Variants in BATF2 observed in about 807,000 individuals in gnomAD.
The protein encoded by BATF2 is basic leucine zipper ATF-like transcription factor 2.
BATF2 carries 4 observed loss-of-function variants against 7.3 expected under a neutral mutation model. The observed-to-expected ratio is 0.55, with a 90% CI of 0.27 to 1.26. BATF2 has a LOEUF of 1.26. Ranked by LOEUF, BATF2 falls within the 50% of genes most tolerant of loss-of-function variation. The pLI, the probability that BATF2 is intolerant of heterozygous loss-of-function variation, is 0.11. For synonymous variants in BATF2, 152 were observed against 153.9 expected, an observed-to-expected ratio of 0.99 and a Z score of 0.09; for missense variants, 295 against 340.5, an observed-to-expected ratio of 0.87 and a Z score of 1.05.
Position 64,996,911 on chromosome 11 carries a change from G to T in BATF2, c.4C>A (p.His2Asn), listed in dbSNP as rs992247724. The T allele has an allele frequency of 1.2e-6, 2 of 1,600,988 alleles. No individual in the cohort carries two copies. Among genetic ancestry groups the T allele is most frequent in the East Asian group, 2.3e-5 (1 of 43,760 alleles). The change falls in exon 1 of 3, where the codon CAC becomes AAC. Residue 2 changes from histidine to asparagine, a missense_variant. Physicochemically the swap from His to Asn is moderately conservative, Grantham distance 68 (BLOSUM62 1). Coordinates refer to ENST00000301887, the MANE Select transcript of BATF2 (RefSeq NM_138456.4). Reference sequence around the variant, plus strand: ...AGCAGCCCATTGCCCCCACAGAGGTGCATGGCTTAGGCGGGGGAGCAGAGT... The same window carrying T: ...AGCAGCCCATTGCCCCCACAGAGGTTCATGGCTTAGGCGGGGGAGCAGAGT... M[H>N]LCGGNGLLTQ...
At chr11:64,994,365 T>A in intron 2 of BATF2, 83 bp downstream of exon 2, 2 of 1,333,584 alleles carry the variant, frequency 1.5e-6, no homozygotes, top group Non-Finnish European at 2.1e-6. Context: ...GGGGGAGGTC[T>A]GCTCAAAGGT....
chr11:64,994,750 CCTGCT>C (rs1198366422), intron 1 of BATF2, among the ~76,000 whole-genome samples: 1 of 152,370 alleles, frequency 6.6e-6, no homozygotes, highest in African/African-American at 2.4e-5. Context: ...ACCCCTGTGT[CCTGCT>C]CACCGCTCAT....
chr11:64,992,754 G>A (rs761354878), intron 2 of BATF2, among the ~76,000 whole-genome samples: 38 of 151,738 alleles, frequency 2.5e-4, no homozygotes, highest in Non-Finnish European at 4.1e-4. Context: ...TCAGCTACTC[G>A]GGAGACTGAG....
In BATF2 at chr11:64,988,960, G is replaced by T. The variant is rs112310616; in HGVS notation, c.*169C>A. The T allele has an allele frequency of 3.7e-4, 243 of 654,930 alleles. No homozygotes were observed. The African/African-American group carries it at 4.1e-3, about 11-fold the overall frequency. 40.6% of individuals were successfully genotyped at this position (654,930 alleles called of 1,614,324 possible). On this transcript the variant is annotated 3_prime_UTR_variant, in exon 3 of 3. Transcript: ENST00000301887. ...TGAAATAAGATATTGGTGGTGACAG[G>T]GCCTGTCACAGTGGGAGGCATCAGT... is the stretch of plus-strand genomic sequence containing the variant.
chr11:64,990,727 C>T, intron 2 of BATF2: 1 of 674,432 alleles, frequency 1.5e-6, no homozygotes, highest in Non-Finnish European at 1.8e-6. Context: ...ACCCCCTTTT[C>T]TGGACACTTT....
chr11:64,993,990 G>A (rs1296240736), intron 2 of BATF2, among the ~76,000 whole-genome samples: 1 of 152,112 alleles, frequency 6.6e-6, no homozygotes, highest in Non-Finnish European at 1.5e-5. Flanking sequence ...TAGAGACAGA[G>A]TCTCACTATA....
chr11:64,995,773 C>G (rs79503289), intron 1 of BATF2, among the ~76,000 whole-genome samples: 3,972 of 152,132 alleles, frequency 0.026, 168 homozygotes, highest in African/African-American at 0.09. Flanking sequence ...ATTCTGAATG[C>G]TCCTAGGCTC....
At chr11:64,990,698 C>T (rs1036884838) in intron 2 of BATF2, 2 of 843,432 alleles carry the variant, frequency 2.4e-6, no homozygotes, top group African/African-American at 3.7e-5. Context: ...ATAAATTGAA[C>T]GACTTCCTTC....
rs776446453 is a variant in BATF2, at chr11:64,994,563, G to A, written c.40-14C>T. On this transcript the variant is annotated splice_polypyrimidine_tract_variant and intron_variant, in intron 1 of 2. Coordinates refer to ENST00000301887, the MANE Select transcript of BATF2 (RefSeq NM_138456.4). ...CTCCTTGGGGTCCTGTGGGGCATGA[G>A]GCAGAGGACTCAGGGGGCCCAGCCA... 4.4e-6 allele frequency: 7 copies of A among 1,586,174 alleles called. No homozygotes were observed. In the East Asian group the frequency reaches 1.6e-4, roughly 36 times the overall value.
intron 2 of BATF2, among the ~76,000 whole-genome samples, chr11:64,991,720 A>G (rs1946079038): frequency 6.6e-6 from 1 of 151,954 alleles, no homozygotes; most frequent in African/African-American, 2.4e-5. Flanking sequence ...CCAGGAGAAT[A>G]TGAGCCCTGT....
At position 64,989,087 on chromosome 11, in the gene BATF2, C is replaced by T; in HGVS notation, c.*42G>A. On this transcript the variant is annotated 3_prime_UTR_variant, in exon 3 of 3. Transcript: ENST00000301887. The surrounding 1 kb of genome is among the most constrained non-coding windows in gnomAD (Gnocchi z 4.3). Reference sequence around the variant, plus strand: ...AGAGGCCCGTGTGCTAAGGCTGCTTCCTGAGCCCAAAGAAGGGGCCAACCC... The same window carrying T: ...AGAGGCCCGTGTGCTAAGGCTGCTTTCTGAGCCCAAAGAAGGGGCCAACCC... 6.2e-7 allele frequency: 1 copy of T among 1,604,690 alleles called. No homozygotes were observed. Among genetic ancestry groups the T allele is most frequent in the South Asian group, 1.1e-5 (1 of 90,754 alleles).
At chr11:64,993,107 C>G (rs1319808526) in intron 2 of BATF2, among the ~76,000 whole-genome samples, 1 of 152,158 alleles carries the variant, frequency 6.6e-6, no homozygotes, top group African/African-American at 2.4e-5. Flanking sequence ...CGCCTGTAAT[C>G]CCAGCACTTT....
Position 64,989,982 on chromosome 11 carries a change from A to G in BATF2, c.142-170T>C. ...TCTGGCCAGCCCTTCATAACCACCT[A>G]CCAAGTCTCCCCTGTCCCACCCTCT... On this transcript the variant is annotated intron_variant, in intron 2 of 2. Transcript: ENST00000301887. This position sits in a 1 kb window ranked among gnomAD's most constrained non-coding sequence, Gnocchi z 4.3. The G allele has an allele frequency of 6.7e-7, 1 of 1,498,582 alleles. No individual in the cohort carries two copies. The highest frequency in any genetic ancestry group is 9.1e-7 in the Non-Finnish European group (1 of 1,102,964). 92.8% of individuals were successfully genotyped at this position (1,498,582 alleles called of 1,614,324 possible). A position where few individuals can be genotyped will look rare whatever the true frequency, so the allele number is the denominator to read the frequency against.
chr11:64,992,285 C>T lies in BATF2; in HGVS notation c.141+2163G>A, dbSNP rs114370800. ...TTTACCACGTTGGCCAGGCTGGTCT[C>T]GAACTCCTGGCCAACAAGTAATCCA... is the stretch of plus-strand genomic sequence containing the variant. On this transcript the variant is annotated intron_variant, in intron 2 of 2. Coordinates refer to ENST00000301887, the MANE Select transcript of BATF2 (RefSeq NM_138456.4). 7.5e-3 allele frequency among the ~76,000 whole-genome samples: 1,134 copies of T among 152,028 alleles called. 16 individuals carry two copies. Among genetic ancestry groups the T allele is most frequent in the African/African-American group, 0.026 (1,090 of 41,504 alleles).
intron 1 of BATF2, 40 bp downstream of exon 1, chr11:64,996,836 C>T (rs761205043): frequency 6.2e-7 from 1 of 1,611,216 alleles, no homozygotes; most frequent in Admixed American, 1.7e-5. Context: ...GGGATCCCAG[C>T]TCCCCTTCTC....
At chr11:64,992,356 C>T (rs940592133) in intron 2 of BATF2, among the ~76,000 whole-genome samples, 2 of 152,052 alleles carry the variant, frequency 1.3e-5, no homozygotes, top group South Asian at 2.1e-4. Context: ...CGTGAGCCAC[C>T]GCGCCTGGCT....
In BATF2 at chr11:64,989,373, G is replaced by A. The variant is rs370857140; in HGVS notation, c.581C>T (p.Ala194Val). ...TTGGGCCGTGAGGCTGGGCTGGAGG[G>A]CACTGAGCTTAGAGGAAGACCCCTG... ...SLQGSSSKLS[A>V]LQPSLTAQTA... The change falls in exon 3 of 3, where the codon GCC (alanine) becomes GTC (valine). Residue 194 changes from alanine to valine, a missense_variant. Transcript: ENST00000301887. This position sits in a 1 kb window ranked among gnomAD's most constrained non-coding sequence, Gnocchi z 4.3. 9 of 1,575,360 alleles carry A rather than the reference G, an allele frequency of 5.7e-6. No individual in the cohort carries two copies. Among genetic ancestry groups the A allele is most frequent in the Non-Finnish European group, 7.8e-6 (9 of 1,159,774 alleles).
intron 2 of BATF2, chr11:64,990,468 G>A: frequency 4.8e-6 from 6 of 1,262,570 alleles, no homozygotes; most frequent in South Asian, 3.3e-5. Context: ...TCGCCCCTAC[G>A]AGCACTGTGG....
rs1946062324 is a variant in BATF2 at position 64,989,988 on chromosome 11, T to G, written c.142-176A>C. The stretch of plus-strand genomic sequence containing the variant: ...CAGCCCTTCATAACCACCTACCAAG[T>G]CTCCCCTGTCCCACCCTCTGAAGGG... On this transcript the variant is annotated intron_variant, in intron 2 of 2. Coordinates refer to ENST00000301887, the MANE Select transcript of BATF2 (RefSeq NM_138456.4). The surrounding 1 kb of genome is among the most constrained non-coding windows in gnomAD (Gnocchi z 4.3). The G allele has an allele frequency of 2.7e-6, 4 of 1,507,540 alleles. No individual in the cohort carries two copies. Among genetic ancestry groups the G allele is most frequent in the Non-Finnish European group, 3.6e-6 (4 of 1,111,714 alleles). 93.4% of individuals were successfully genotyped at this position (1,507,540 alleles called of 1,614,324 possible).
Sources: gnomAD v4.1 joint callset for allele counts (sites outside exome capture counted in the v4.1 genomes callset) on GRCh38, gnomAD v4.1.1 for gene constraint, Gnocchi (gnomAD v3.1) non-coding constraint, MANE v1.5 for transcripts, NCBI Gene and HGNC (gene_info 2026-07-23, HGNC 2026-07-21) for gene names.